The following GARNL3 variants were observed in gnomAD, a reference collection of about 807,000 sequenced individuals.
The protein encoded by GARNL3 is GTPase activating Rap/RanGAP domain like 3.
GARNL3 carries 63 observed loss-of-function variants against 125.0 expected under a neutral mutation model. The observed-to-expected ratio is 0.50, with a 90% confidence interval of 0.41 to 0.62. The LOEUF (loss-of-function observed/expected upper bound fraction) is 0.62, where lower values mean the gene tolerates loss of function less well. Among genes scored for constraint, GARNL3 ranks in the 20% least tolerant of loss-of-function variants. GARNL3 has a pLI of 0.00. For missense variants in GARNL3, 994 were observed against 1,244.0 expected (o/e 0.80, Z 3.02); for synonymous variants, 439 against 457.5 (o/e 0.96, Z 0.52).
chr9:127,275,824 A>C (rs1485885516), intron 1 of GARNL3, among the ~76,000 whole-genome samples: 1 of 152,226 alleles, frequency 6.6e-6, no homozygotes, highest in African/African-American at 2.4e-5. Flanking sequence ...GTGCAAGAAA[A>C]GGATTGTATG....
At chr9:127,388,085 G>T (rs772192901) in intron 25 of GARNL3, among the ~76,000 whole-genome samples, 1 of 152,122 alleles carries the variant, frequency 6.6e-6, no homozygotes, top group Non-Finnish European at 1.5e-5. Context: ...GGTCAAGGCT[G>T]CATTGAGCCG....
chr9:127,341,414 G>A (rs1314128584), intron 13 of GARNL3, among the ~76,000 whole-genome samples: 2 of 152,206 alleles, frequency 1.3e-5, no homozygotes, highest in East Asian at 3.9e-4. Context: ...TTCAGAGCAT[G>A]CACCATGGCC....
chr9:127,362,036 C>T (rs901925309), intron 21 of GARNL3: 2 of 150,238 alleles, frequency 1.3e-5, no homozygotes, highest in East Asian at 2.0e-4. Flanking sequence ...ATGTCATAAG[C>T]GTTATGTCTT....
intron 12 of GARNL3, 61 bp downstream of exon 12, chr9:127,338,222 G>C (rs1470797898): frequency 1.0e-5 from 13 of 1,268,478 alleles, no homozygotes; most frequent in Middle Eastern, 3.7e-4. Context: ...ATTTAGCATT[G>C]ATTTTTACAA....
intron 2 of GARNL3, among the ~76,000 whole-genome samples, chr9:127,310,759 G>A (rs1323996228): frequency 7.1e-6 from 1 of 141,338 alleles, no homozygotes; most frequent in East Asian, 2.2e-4. Flanking sequence ...GTGCAACAGA[G>A]TAAGACTCTG....
intron 1 of GARNL3, among the ~76,000 whole-genome samples, chr9:127,270,883 C>CTCGATCTCGGCTCACTGCAACCT (rs1431540119): frequency 1.3e-5 from 2 of 151,096 alleles, no homozygotes; most frequent in Admixed American, 6.6e-5. Flanking sequence ...GCTCTGTTGG[C>CTCGATCTCGGCTCACTGCAACCT]CACCGTGGTC....
rs1832591731 is a variant in GARNL3 at position 127,387,281 on chromosome 9, A to G, written c.2477A>G (p.Gln826Arg). The G allele has an allele frequency of 1.2e-6, 2 of 1,614,176 alleles. No individual in the cohort carries two copies. Among genetic ancestry groups the G allele is most frequent in the Non-Finnish European group, 1.7e-6 (2 of 1,180,012 alleles). ...SKGASARNSP[Q>R]TPPGRDTPVF... ...GGGGCCAGTGCCCGAAATTCTCCTCAGACACCCCCGGGCCGAGATACTCCA... is the reference window on the plus strand; with the variant it reads ...GGGGCCAGTGCCCGAAATTCTCCTCGGACACCCCCGGGCCGAGATACTCCA... Residue 826 changes from glutamine to arginine, a missense_variant, in exon 25 of 28, where the codon CAG becomes CGG. Transcript: ENST00000373387.
At position 127,319,165 on chromosome 9, in the gene GARNL3, C is replaced by T. The variant is rs2065323146; in HGVS notation, c.503+1038C>T. On this transcript the variant is annotated intron_variant, in intron 5 of 27. Transcript: ENST00000373387. ...CTTACAGTGACAAACTTGACTCTAT[C>T]TGTTGGGGACTGCATCTGGCTGACT... is the stretch of plus-strand genomic sequence containing the variant. Among the ~76,000 whole-genome samples the T allele has an allele frequency of 5.9e-5, 9 of 152,228 alleles. No individual in the cohort carries two copies. In the South Asian group the frequency reaches 1.9e-3, roughly 32 times the overall value.
intron 1 of GARNL3, among the ~76,000 whole-genome samples, chr9:127,279,270 C>T (rs2064042157): frequency 1.3e-5 from 2 of 150,776 alleles, no homozygotes; most frequent in Admixed American, 1.3e-4. Context: ...CATTAATTTT[C>T]CTTAAAACAT....
intron 1 of GARNL3, among the ~76,000 whole-genome samples, chr9:127,231,230 T>TTG (rs748094284): frequency 2.5e-4 from 34 of 135,136 alleles, no homozygotes; most frequent in Admixed American, 6.5e-4. Flanking sequence ...AATTTTTTGT[T>TTG]TTTTTTTTTT....
Position 127,385,097 on chromosome 9 carries a change from C to A in GARNL3, c.2340C>A (p.Asn780Lys). 1 of 1,612,820 alleles carries A rather than the reference C, an allele frequency of 6.2e-7. No homozygotes were observed. The highest frequency in any genetic ancestry group is 8.5e-7 in the Non-Finnish European group (1 of 1,179,318). The change falls in exon 24 of 28, where the codon AAC (asparagine) becomes AAA (lysine). Residue 780 changes from asparagine (N) to lysine (K), a missense_variant. By Grantham distance (94) the Asn-to-Lys change is moderately conservative. This residue lies in a region of GARNL3 where 728 missense variants were observed against 865.7 expected (regional missense o/e 0.84). Transcript: ENST00000373387. This position sits in a 1 kb window ranked among gnomAD's most constrained non-coding sequence, Gnocchi z 4.1. Reference sequence around the variant, plus strand: ...AGATCCGCCTGGTGGTGAACGGGAACCTGGTCCACACTGCAGTCGTGCCGC... The same window carrying A: ...AGATCCGCCTGGTGGTGAACGGGAAACTGGTCCACACTGCAGTCGTGCCGC... ...SMEIRLVVNG[N>K]LVHTAVVPQL...
chr9:127,362,772 C>G (rs1831082242), intron 21 of GARNL3: 1 of 152,328 alleles, frequency 6.6e-6, no homozygotes, highest in East Asian at 1.9e-4. Context: ...GGTTCCTTAT[C>G]TAAATAAAGG....
intron 2 of GARNL3, among the ~76,000 whole-genome samples, chr9:127,252,399 G>T (rs1340389540): frequency 6.6e-6 from 1 of 152,146 alleles, no homozygotes. Flanking sequence ...TACACAGCCT[G>T]TTTATTCAAA....
chr9:127,277,895 A>G lies in GARNL3; in HGVS notation c.144+12874A>G, dbSNP rs896014014. Among the ~76,000 whole-genome samples the G allele has an allele frequency of 1.3e-5, 2 of 152,086 alleles. 1 individual carries two copies. The highest frequency in any genetic ancestry group is 3.9e-4 in the East Asian group (2 of 5,188). Reference sequence around the variant, plus strand: ...GGTACCTGTCATATTTTACATTGTCATTATTTGTGGGCATTTTTTACCTGT... The same window carrying G: ...GGTACCTGTCATATTTTACATTGTCGTTATTTGTGGGCATTTTTTACCTGT... On this transcript the variant is annotated intron_variant, in intron 1 of 27. Coordinates refer to ENST00000373387, the MANE Select transcript of GARNL3 (RefSeq NM_032293.5).
intron 1 of GARNL3, among the ~76,000 whole-genome samples, chr9:127,239,243 CT>C (rs2063162443): frequency 1.3e-5 from 2 of 152,170 alleles, no homozygotes; most frequent in Admixed American, 1.3e-4. Context: ...TAAGTGGCTC[CT>C]AAGACATACT....
At chr9:127,271,845 A>C (rs1267895266) in intron 1 of GARNL3, among the ~76,000 whole-genome samples, 1 of 150,266 alleles carries the variant, frequency 6.7e-6, no homozygotes, top group East Asian at 1.9e-4. Flanking sequence ...GGATAAAACA[A>C]GGTAGTATAT....
intron 1 of GARNL3, chr9:127,225,450 T>TG (rs2062890866): frequency 1.3e-6 from 1 of 764,080 alleles, no homozygotes; most frequent in Non-Finnish European, 1.6e-6. Flanking sequence ...GCCGGCCACG[T>TG]GGGGGGATGG....
intron 11 of GARNL3, 55 bp downstream of exon 11, chr9:127,336,291 T>C (rs1829552951): frequency 8.2e-7 from 1 of 1,222,184 alleles, no homozygotes; most frequent in Admixed American, 1.8e-5. Context: ...TCAGCCTCAC[T>C]GGACTTCCAT....
intron 1 of GARNL3, among the ~76,000 whole-genome samples, chr9:127,273,843 G>C (rs2063884859): frequency 6.6e-6 from 1 of 152,174 alleles, no homozygotes; most frequent in East Asian, 1.9e-4. Flanking sequence ...TCCTGTAAAT[G>C]AAAGGGCTTT....
Sources: allele counts gnomAD v4.1 joint callset (sites outside exome capture counted in the v4.1 genomes callset), GRCh38; gene constraint gnomAD v4.1.1; regional missense constraint gnomAD v4.1.1; non-coding constraint Gnocchi (gnomAD v3.1); transcripts MANE v1.5; gene names NCBI Gene and HGNC (gene_info 2026-07-23, HGNC 2026-07-21).